The following GUCY1A2 variants were observed in gnomAD, a reference collection of about 807,000 sequenced individuals.
GUCY1A2 encodes the protein guanylate cyclase soluble subunit alpha-2.
Under a neutral mutation model 63.5 loss-of-function variants are expected in GUCY1A2, and 27 were observed. The ratio of observed to expected loss-of-function variants is 0.43; its 90% confidence interval spans 0.31 to 0.59. The LOEUF is 0.59. Ranked by LOEUF, GUCY1A2 falls within the 20% of genes least tolerant of loss-of-function variation. The pLI is 0.11. For missense variants in GUCY1A2, 768 were observed against 913.3 expected (o/e 0.84, Z 2.05); for synonymous variants, 364 against 343.5 (o/e 1.06, Z -0.66).
chr11:106,962,438 C>T (rs1284068638), intron 3 of GUCY1A2, among the ~76,000 whole-genome samples: 7 of 151,420 alleles, frequency 4.6e-5, no homozygotes, highest in East Asian at 1.9e-4. Context: ...GCCTGTAGTC[C>T]CACCTACTTG....
chr11:106,957,327 G>A (rs1020562988), intron 3 of GUCY1A2, among the ~76,000 whole-genome samples: 1 of 150,990 alleles, frequency 6.6e-6, no homozygotes, highest in Non-Finnish European at 1.5e-5. Context: ...CTCCCCACCA[G>A]CAACCCCCAC....
At chr11:106,864,994 A>G (rs1002076167) in intron 4 of GUCY1A2, among the ~76,000 whole-genome samples, 1 of 152,112 alleles carries the variant, frequency 6.6e-6, no homozygotes, top group South Asian at 2.1e-4. Context: ...AAGGAATGGT[A>G]TCAGCTCCAC....
intron 3 of GUCY1A2, among the ~76,000 whole-genome samples, chr11:106,970,588 T>A (rs1861180726): frequency 6.6e-6 from 1 of 152,068 alleles, no homozygotes; most frequent in Non-Finnish European, 1.5e-5. Context: ...AAATACCAAT[T>A]TCTGGAAAGG....
intron 4 of GUCY1A2, among the ~76,000 whole-genome samples, chr11:106,938,275 T>C (rs1860705956): frequency 6.6e-6 from 1 of 152,162 alleles, no homozygotes; most frequent in African/African-American, 2.4e-5. Flanking sequence ...TAAAAAACTT[T>C]CCATTGAACT....
chr11:106,995,770 A>T (rs1257483288), intron 1 of GUCY1A2, among the ~76,000 whole-genome samples: 1 of 152,252 alleles, frequency 6.6e-6, no homozygotes, highest in Non-Finnish European at 1.5e-5. Flanking sequence ...GTTGCCAGCC[A>T]TGCCTTACAG....
At chr11:106,719,608 T>A (rs1863279118) in intron 6 of GUCY1A2, among the ~76,000 whole-genome samples, 1 of 152,232 alleles carries the variant, frequency 6.6e-6, no homozygotes, top group African/African-American at 2.4e-5. Flanking sequence ...TAGCTAAGTT[T>A]ATGCTGCAGA....
intron 3 of GUCY1A2, among the ~76,000 whole-genome samples, chr11:106,961,817 G>A (rs2120064629): frequency 6.6e-6 from 1 of 152,204 alleles, no homozygotes; most frequent in South Asian, 2.1e-4. Context: ...AGTTGGCTTG[G>A]TGCCCTAGAA....
intron 6 of GUCY1A2, among the ~76,000 whole-genome samples, chr11:106,761,291 G>A (rs1182878942): frequency 6.6e-6 from 1 of 152,116 alleles, no homozygotes; most frequent in Non-Finnish European, 1.5e-5. Context: ...CAAAATGTTA[G>A]TTATTCACAA....
chr11:106,699,776 TTTTC>T (rs1862785017), intron 7 of GUCY1A2, among the ~76,000 whole-genome samples: 1 of 151,922 alleles, frequency 6.6e-6, no homozygotes, highest in African/African-American at 2.4e-5. Flanking sequence ...AATATGTCTT[TTTTC>T]TTTTTTTTCT....
intron 3 of GUCY1A2, among the ~76,000 whole-genome samples, chr11:106,966,274 T>G (rs1251012747): frequency 6.6e-6 from 1 of 151,938 alleles, no homozygotes; most frequent in Non-Finnish European, 1.5e-5. Flanking sequence ...GCCTGGCTAG[T>G]TTTTATATTT....
chr11:107,011,271 T>C (rs1289310648), intron 1 of GUCY1A2, among the ~76,000 whole-genome samples: 1 of 152,112 alleles, frequency 6.6e-6, no homozygotes, highest in Non-Finnish European at 1.5e-5. Context: ...ATCAACAATG[T>C]ATGTGTCAAA....
At chr11:106,979,468 A>G (rs1256608739) in intron 2 of GUCY1A2, among the ~76,000 whole-genome samples, 2 of 151,694 alleles carry the variant, frequency 1.3e-5, no homozygotes, top group African/African-American at 4.8e-5. Context: ...AAAAAAAAAA[A>G]AAAAAAAGAA....
intron 4 of GUCY1A2, among the ~76,000 whole-genome samples, chr11:106,929,964 T>C (rs1372348184): frequency 1.3e-5 from 2 of 152,190 alleles, no homozygotes; most frequent in African/African-American, 2.4e-5. Flanking sequence ...TAGATACAGA[T>C]AAATACTAAT....
Position 106,986,150 on chromosome 11 carries a change from A to C in GUCY1A2, c.304-19T>G, listed in dbSNP as rs773464116. On this transcript the variant is annotated intron_variant, in intron 1 of 7. Transcript: ENST00000526355. ...TCTGAGGCTACAGAATAATAATAAT[A>C]ATAAAAACATATTATCAGCAAATCA... 17 of 1,258,914 alleles carry C rather than the reference A, an allele frequency of 1.4e-5. No homozygotes were observed. In the South Asian group the frequency reaches 1.9e-4, roughly 14 times the overall value. The allele number at this position is 1,258,914 out of a possible 1,614,324, so 78.0% of individuals were successfully genotyped here. A position where few individuals can be genotyped will look rare whatever the true frequency, so the allele number is the denominator to read the frequency against.
intron 1 of GUCY1A2, among the ~76,000 whole-genome samples, chr11:106,993,125 T>C (rs1282160683): frequency 1.3e-5 from 2 of 152,130 alleles, no homozygotes; most frequent in Non-Finnish European, 2.9e-5. Flanking sequence ...TAGAAGATGG[T>C]TGGAATCTTT....
intron 4 of GUCY1A2, among the ~76,000 whole-genome samples, chr11:106,856,461 G>A (rs535136728): frequency 6.6e-6 from 1 of 151,864 alleles, no homozygotes; most frequent in Admixed American, 6.6e-5. Flanking sequence ...ACGAGTTTTG[G>A]CAATCTTATT....
chr11:106,807,587 T>C (rs1040084384), intron 5 of GUCY1A2, among the ~76,000 whole-genome samples: 2 of 152,176 alleles, frequency 1.3e-5, no homozygotes, highest in African/African-American at 4.8e-5. Context: ...ATACATGTAC[T>C]TACTAGCTGT....
intron 5 of GUCY1A2, among the ~76,000 whole-genome samples, chr11:106,802,220 T>A (rs751125053): frequency 6.6e-6 from 1 of 152,128 alleles, no homozygotes; most frequent in Non-Finnish European, 1.5e-5. Flanking sequence ...GAAAATGAAT[T>A]TCCATTTTAG....
chr11:106,869,640 C>T (rs1396740550), intron 4 of GUCY1A2, among the ~76,000 whole-genome samples: 1 of 152,042 alleles, frequency 6.6e-6, no homozygotes, highest in South Asian at 2.1e-4. Flanking sequence ...GAAATAGGAA[C>T]ATTTTACACT....
Sources: gnomAD v4.1 joint callset for allele counts (sites outside exome capture counted in the v4.1 genomes callset) on GRCh38, gnomAD v4.1.1 for gene constraint, MANE v1.5 for transcripts, NCBI Gene and HGNC (gene_info 2026-07-23, HGNC 2026-07-21) for gene names.